Variants in PTPRT observed in about 807,000 individuals in gnomAD.
The protein encoded by PTPRT is protein tyrosine phosphatase receptor type T, also known as receptor-type tyrosine-protein phosphatase T.
Under a neutral mutation model 176.8 loss-of-function variants are expected in PTPRT, and 56 were observed. The ratio of observed to expected loss-of-function variants is 0.32; its 90% CI spans 0.26 to 0.40. PTPRT has a LOEUF of 0.40. PTPRT is among the 10% of genes least tolerant of loss of function. PTPRT has a pLI of 1.00. For missense variants in PTPRT, 1,540 were observed against 1,908.2 expected, an observed-to-expected ratio of 0.81 and a Z score of 3.60; for synonymous variants, 783 against 739.0, an observed-to-expected ratio of 1.06 and a Z score of -0.96.
At chr20:43,150,309 C>T (rs1568814013) in intron 1 of PTPRT, among the ~76,000 whole-genome samples, 1 of 152,164 alleles carries the variant, frequency 6.6e-6, no homozygotes, top group African/African-American at 2.4e-5. Context: ...AGTCGATCAA[C>T]AGACAACTCA....
At chr20:42,597,007 G>A (rs1033897528) in intron 7 of PTPRT, among the ~76,000 whole-genome samples, 2 of 152,122 alleles carry the variant, frequency 1.3e-5, no homozygotes, top group Non-Finnish European at 2.9e-5. Flanking sequence ...AGTTTTAGTG[G>A]GTCAGGAGTC....
At chr20:43,004,299 A>G (rs1447369870) in intron 1 of PTPRT, among the ~76,000 whole-genome samples, 3 of 152,202 alleles carry the variant, frequency 2.0e-5, no homozygotes, top group African/African-American at 7.2e-5. Flanking sequence ...ATCACTTCAC[A>G]AAAGAAAAGC....
chr20:43,117,520 G>C (rs1021410079), intron 1 of PTPRT, among the ~76,000 whole-genome samples: 2 of 152,088 alleles, frequency 1.3e-5, no homozygotes, highest in African/African-American at 4.8e-5. Context: ...GGGTCAGGTG[G>C]GTGGGGGACA....
In PTPRT at chr20:42,988,523, C is replaced by T. The variant is rs1983723768; in HGVS notation, c.89-102591G>A. ...GTCCAGGCTTCCCATCCCCCATGTG[C>T]TGCAAGCAGCTCGGTCATACAACAC... On this transcript the variant is annotated intron_variant, in intron 1 of 30. Coordinates refer to ENST00000373187, the MANE Select transcript of PTPRT (RefSeq NM_007050.6). 2.0e-5 allele frequency among the ~76,000 whole-genome samples: 3 copies of T among 152,158 alleles called. No homozygotes were observed. The South Asian group carries it at 6.2e-4, about 31-fold the overall frequency.
At chr20:42,401,797 G>A (rs1238308711) in intron 9 of PTPRT, among the ~76,000 whole-genome samples, 1 of 152,198 alleles carries the variant, frequency 6.6e-6, no homozygotes, top group East Asian at 1.9e-4. Flanking sequence ...CACCAGCCAA[G>A]TGGAGAAGAC....
Position 42,358,086 on chromosome 20 carries a change from GA to G in PTPRT, c.1561-5802del, listed in dbSNP as rs35971618. Among the ~76,000 whole-genome samples, 368 of 142,894 alleles carry G rather than the reference GA, an allele frequency of 2.6e-3. 3 individuals carry two copies. Among genetic ancestry groups the G allele is most frequent in the Admixed American group, 5.8e-3 (84 of 14,452 alleles). The allele number at this position is 142,894 out of a possible 152,430, so 93.7% of individuals were successfully genotyped here. ...TCTGTGGAAAACCTGGAGAAATCTG[GA>G]AAAAAAAAAAAGTCTGGCATTTAAT... is the stretch of plus-strand genomic sequence containing the variant. On this transcript the variant is annotated intron_variant, in intron 9 of 30. Transcript: ENST00000373187.
chr20:42,786,434 A>T, intron 3 of PTPRT, among the ~76,000 whole-genome samples: 1 of 152,182 alleles, frequency 6.6e-6, no homozygotes, highest in Non-Finnish European at 1.5e-5. Context: ...TTTTCCCTAA[A>T]GGCAAAGCAG....
chr20:42,496,586 T>C (rs1195384676), intron 7 of PTPRT, among the ~76,000 whole-genome samples: 1 of 152,130 alleles, frequency 6.6e-6, no homozygotes, highest in African/African-American at 2.4e-5. Context: ...GAAGTGTCTA[T>C]TAGCTCCTGA....
intron 1 of PTPRT, among the ~76,000 whole-genome samples, chr20:43,182,484 G>C (rs2015282585): frequency 1.3e-5 from 2 of 151,830 alleles, no homozygotes; most frequent in African/African-American, 4.8e-5. Context: ...TCCACCACCT[G>C]GGTTCAAGCG....
chr20:42,908,163 G>T (rs1024746389), intron 1 of PTPRT, among the ~76,000 whole-genome samples: 2 of 151,942 alleles, frequency 1.3e-5, no homozygotes, highest in Non-Finnish European at 2.9e-5. Flanking sequence ...AGAGAACGGG[G>T]GATAAGCATC....
intron 13 of PTPRT, among the ~76,000 whole-genome samples, chr20:42,269,415 G>A (rs1451226168): frequency 6.6e-6 from 1 of 152,144 alleles, no homozygotes; most frequent in Admixed American, 6.5e-5. Context: ...CATTGTCTGG[G>A]CAAGGACTTT....
chr20:43,130,387 C>T (rs1318470289), intron 1 of PTPRT, among the ~76,000 whole-genome samples: 3 of 151,954 alleles, frequency 2.0e-5, no homozygotes, highest in Non-Finnish European at 4.4e-5. Flanking sequence ...AAAAAGAAGC[C>T]AATATTTATT....
chr20:43,080,835 G>A (rs541880927), intron 1 of PTPRT, among the ~76,000 whole-genome samples: 6 of 152,304 alleles, frequency 3.9e-5, no homozygotes, highest in African/African-American at 1.4e-4. Flanking sequence ...GTGAGAAGTC[G>A]AACCACAAGA....
chr20:42,881,184 G>T (rs946088998), intron 2 of PTPRT, among the ~76,000 whole-genome samples: 5 of 152,202 alleles, frequency 3.3e-5, no homozygotes, highest in Admixed American at 6.5e-5. Context: ...TCACACTCAT[G>T]CAGACATCCT....
At chr20:42,483,310 C>T (rs1399381745) in intron 7 of PTPRT, among the ~76,000 whole-genome samples, 1 of 152,148 alleles carries the variant, frequency 6.6e-6, no homozygotes, top group Non-Finnish European at 1.5e-5. Flanking sequence ...GGATTACAGG[C>T]ATGCCACCAC....
chr20:42,118,279 C>T (rs1987398544), intron 21 of PTPRT, 124 bp downstream of exon 21: 1 of 718,488 alleles, frequency 1.4e-6, no homozygotes. Flanking sequence ...TGACACCTCC[C>T]TTGTAGGTTG....
At chr20:42,041,307 T>A in the PTPRT span, among the ~76,000 whole-genome samples, 1 of 152,160 alleles carries the variant, frequency 6.6e-6, no homozygotes, top group Non-Finnish European at 1.5e-5. Context: ...TTTTGTGAGC[T>A]GCCAAAGAGA....
At chr20:42,519,005 C>A (rs971545090) in intron 7 of PTPRT, among the ~76,000 whole-genome samples, 2 of 152,038 alleles carry the variant, frequency 1.3e-5, no homozygotes, top group Non-Finnish European at 2.9e-5. Context: ...CCCATTTTAA[C>A]ATCTTCCAAA....
At chr20:42,538,660 C>G (rs74965247) in intron 7 of PTPRT, among the ~76,000 whole-genome samples, 2,254 of 152,254 alleles carry the variant, frequency 0.015, 56 homozygotes, top group African/African-American at 0.052. Context: ...AGACAACTGA[C>G]CTCCAAAGGG....
Sources: allele counts gnomAD v4.1 joint callset (sites outside exome capture counted in the v4.1 genomes callset), GRCh38; gene constraint gnomAD v4.1.1; transcripts MANE v1.5; gene names NCBI Gene and HGNC (gene_info 2026-07-23, HGNC 2026-07-21).